Variants in EXOC6B observed in about 807,000 individuals in gnomAD.
The protein encoded by EXOC6B is SEC15 homolog B.
Under a neutral mutation model 113.5 loss-of-function variants are expected in EXOC6B, and 54 were observed. That is an observed-to-expected ratio of 0.48 (90% CI 0.38 to 0.60). EXOC6B has a LOEUF of 0.60. Ranked by LOEUF, EXOC6B falls within the 20% of genes least tolerant of loss-of-function variation. EXOC6B has a pLI of 0.00. For missense variants in EXOC6B, 797 were observed against 977.5 expected (o/e 0.82, Z 2.46); for synonymous variants, 357 against 339.0 (o/e 1.05, Z -0.58).
intron 1 of EXOC6B, among the ~76,000 whole-genome samples, chr2:72,800,064 CA>C (rs904582355): frequency 4.8e-5 from 7 of 144,632 alleles, no homozygotes; most frequent in South Asian, 2.2e-4. Flanking sequence ...GACCGTATCT[CA>C]AAAAAAAAAT....
intron 1 of EXOC6B, among the ~76,000 whole-genome samples, chr2:72,813,485 C>A (rs1038379404): frequency 2.0e-5 from 3 of 152,158 alleles, no homozygotes; most frequent in Admixed American, 2.0e-4. Context: ...AAGAGCTTTT[C>A]TCATTTCACT....
At chr2:72,349,669 C>T (rs1377625443) in intron 19 of EXOC6B, among the ~76,000 whole-genome samples, 1 of 152,206 alleles carries the variant, frequency 6.6e-6, no homozygotes, top group Non-Finnish European at 1.5e-5. Flanking sequence ...ATTCTCCCCA[C>T]CTCAGCCAAG....
intron 1 of EXOC6B, among the ~76,000 whole-genome samples, chr2:72,752,704 C>T (rs1275014608): frequency 2.6e-5 from 4 of 152,042 alleles, no homozygotes; most frequent in Non-Finnish European, 5.9e-5. Flanking sequence ...CTGTTTCTTA[C>T]CTATAACCAC....
At chr2:72,386,212 C>CAA (rs199615544) in intron 18 of EXOC6B, among the ~76,000 whole-genome samples, 149 of 138,628 alleles carry the variant, frequency 1.1e-3, no homozygotes, top group African/African-American at 3.9e-3. Context: ...TAGGCATGAG[C>CAA]AAAAAAAAAA....
At chr2:72,760,268 G>A (rs1054396564) in intron 1 of EXOC6B, among the ~76,000 whole-genome samples, 9 of 152,144 alleles carry the variant, frequency 5.9e-5, no homozygotes, top group African/African-American at 1.9e-4. Context: ...CATACTCCCA[G>A]CAAACTTCCC....
Position 72,476,037 on chromosome 2 carries a change from C to T in EXOC6B, c.1800+4579G>A, listed in dbSNP as rs116005272. 3.8e-3 allele frequency among the ~76,000 whole-genome samples: 572 copies of T among 152,240 alleles called. 4 individuals carry two copies. The highest frequency in any genetic ancestry group is 0.012 in the African/African-American group (515 of 41,518). On this transcript the variant is annotated intron_variant, in intron 17 of 21. Transcript: ENST00000272427. ...TGTTGGAGTCAGGGCTCTAAGATGG[C>T]GGCTTGCTATAGCTGCTTAGGTCTC...
Position 72,405,938 on chromosome 2 carries a change from G to A in EXOC6B, c.1981-26068C>T, listed in dbSNP as rs144126549. ...GGATAAAGAGTCAAGACCCATCAGT[G>A]TGCTGCATTCAGGAAACCCATCTCA... On this transcript the variant is annotated intron_variant, in intron 18 of 21. Coordinates refer to ENST00000272427, the MANE Select transcript of EXOC6B (RefSeq NM_015189.3). 4.9e-3 allele frequency among the ~76,000 whole-genome samples: 747 copies of A among 152,264 alleles called. 10 individuals carry two copies. Among genetic ancestry groups the A allele is most frequent in the African/African-American group, 0.017 (693 of 41,548 alleles).
intron 7 of EXOC6B, among the ~76,000 whole-genome samples, chr2:72,573,334 T>A (rs1704628023): frequency 6.6e-6 from 1 of 152,206 alleles, no homozygotes; most frequent in Non-Finnish European, 1.5e-5. Context: ...ACTCAAAATG[T>A]AGATTAAAGG....
intron 1 of EXOC6B, among the ~76,000 whole-genome samples, chr2:72,747,569 G>A (rs976402076): frequency 6.6e-6 from 1 of 151,998 alleles, no homozygotes; most frequent in African/African-American, 2.4e-5. Flanking sequence ...ATTTCCCATT[G>A]TTTAAGCCAC....
intron 1 of EXOC6B, among the ~76,000 whole-genome samples, chr2:72,796,172 G>C (rs928163755): frequency 7.3e-5 from 11 of 151,078 alleles, no homozygotes; most frequent in African/African-American, 2.2e-4. Context: ...ACTCAGAGAG[G>C]CTGGGTGCGG....
In EXOC6B at chr2:72,432,977, C is replaced by T. The variant is rs529380574; in HGVS notation, c.1980+32183G>A. On this transcript the variant is annotated intron_variant, in intron 18 of 21. Coordinates refer to ENST00000272427, the MANE Select transcript of EXOC6B (RefSeq NM_015189.3). ...GCTTTTGGTGTTTTAGTCATAAAGT[C>T]TTTGCCCATGCCTATGTGCTGAATG... 6.7e-4 allele frequency among the ~76,000 whole-genome samples: 102 copies of T among 152,300 alleles called. 1 individual carries two copies. Among genetic ancestry groups the T allele is most frequent in the African/African-American group, 2.3e-3 (96 of 41,564 alleles).
chr2:72,733,587 T>G (rs187417697), intron 2 of EXOC6B, among the ~76,000 whole-genome samples: 1 of 152,304 alleles, frequency 6.6e-6, no homozygotes, highest in Admixed American at 6.5e-5. Flanking sequence ...TAATTCTTTT[T>G]GGATCATTAA....
chr2:72,392,830 C>A (rs988345218), intron 18 of EXOC6B, among the ~76,000 whole-genome samples: 4 of 152,072 alleles, frequency 2.6e-5, no homozygotes, highest in African/African-American at 9.7e-5. Flanking sequence ...TCTGAAAGGA[C>A]CTTATACTTA....
intron 18 of EXOC6B, among the ~76,000 whole-genome samples, chr2:72,447,106 A>G (rs899505916): frequency 6.6e-6 from 1 of 152,096 alleles, no homozygotes; most frequent in Non-Finnish European, 1.5e-5. Context: ...TCGTCTCAAA[A>G]AAAAAAAAAA....
chr2:72,422,064 C>T (rs1336498840), intron 18 of EXOC6B, among the ~76,000 whole-genome samples: 5 of 152,234 alleles, frequency 3.3e-5, no homozygotes, highest in East Asian at 1.9e-4. Context: ...TGCCTTCCCG[C>T]GGGGCAGGGC....
At chr2:72,534,206 A>G (rs1385994005) in intron 8 of EXOC6B, among the ~76,000 whole-genome samples, 1 of 152,184 alleles carries the variant, frequency 6.6e-6, no homozygotes, top group African/African-American at 2.4e-5. Flanking sequence ...AAACCAAAAA[A>G]AAAATGACAA....
chr2:72,475,319 A>T (rs1698670292), intron 17 of EXOC6B, among the ~76,000 whole-genome samples: 1 of 152,164 alleles, frequency 6.6e-6, no homozygotes, highest in Non-Finnish European at 1.5e-5. Context: ...GTGAATGATG[A>T]CAATGGCAGT....
At chr2:72,714,201 G>A (rs942720110) in intron 6 of EXOC6B, among the ~76,000 whole-genome samples, 2 of 152,172 alleles carry the variant, frequency 1.3e-5, no homozygotes, top group Admixed American at 6.5e-5. Context: ...AATGAATACA[G>A]AAACAGGTGT....
chr2:72,726,829 T>G (rs1266239745), intron 5 of EXOC6B, among the ~76,000 whole-genome samples: 3 of 152,172 alleles, frequency 2.0e-5, no homozygotes, highest in African/African-American at 7.2e-5. Flanking sequence ...CAGCCCTTCA[T>G]ATTTGCAGGT....
Sources: allele counts gnomAD v4.1 joint callset (sites outside exome capture counted in the v4.1 genomes callset), GRCh38; gene constraint gnomAD v4.1.1; transcripts MANE v1.5; gene names NCBI Gene and HGNC (gene_info 2026-07-23, HGNC 2026-07-21).